Variants in LYRM9 observed in about 807,000 individuals in gnomAD.
LYRM9 encodes LYR motif-containing protein 9.
A neutral mutation model predicts 12.6 loss-of-function variants in LYRM9; 14 were observed. That is an observed-to-expected ratio of 1.11 (90% confidence interval 0.73 to 1.73). The LOEUF is 1.73. LYRM9 is among the 40% of genes most tolerant of loss of function. The probability of loss-of-function intolerance (pLI) is 0.00; values close to 1 mark genes in which losing one functional copy is unlikely to be tolerated. For synonymous variants in LYRM9, 42 were observed against 35.1 expected, an observed-to-expected ratio of 1.20 and a Z score of -0.69; for missense variants, 94 against 95.0, an observed-to-expected ratio of 0.99 and a Z score of 0.04.
At chr17:27,879,593 G>T (rs1904967993) in intron 3 of LYRM9, 103 bp from the exon 4 acceptor site, 1 of 1,312,186 alleles carries the variant, frequency 7.6e-7, no homozygotes, top group South Asian at 1.4e-5. Context: ...CCTGCCTCCT[G>T]CAGGGGCTTC....
At chr17:27,879,531 C>G (rs1249147815) in intron 3 of LYRM9, 41 bp from the exon 4 acceptor site, 7 of 1,547,924 alleles carry the variant, frequency 4.5e-6, no homozygotes, top group Admixed American at 2.0e-5. Context: ...GGGAAGCCAA[C>G]AGGGGCAGGA....
intron 2 of LYRM9, among the ~76,000 whole-genome samples, chr17:27,881,818 T>C (rs1462959859): frequency 6.6e-6 from 1 of 152,172 alleles, no homozygotes; most frequent in Non-Finnish European, 1.5e-5. Flanking sequence ...TATTCATTTT[T>C]TTTTTTTGAG....
chr17:27,883,835 T>TAAAAAAAAA lies in LYRM9; in HGVS notation c.-18-1132_-18-1124dup, dbSNP rs781375467. ...GCAGTCTGGCTCCAGAGCCTTTTTC[T>TAAAAAAAAA]AAAAAAAAAAAAAAAAAAAAAAAAA... On this transcript the variant is annotated intron_variant, in intron 1 of 3. Coordinates refer to ENST00000379102, the MANE Select transcript of LYRM9 (RefSeq NM_001076680.3). Among the ~76,000 whole-genome samples the TAAAAAAAAA allele has an allele frequency of 1.8e-3, 43 of 24,570 alleles. 13 individuals carry two copies. The highest frequency in any genetic ancestry group is 4.7e-3 in the African/African-American group (38 of 8,060). The allele number at this position is 24,570 out of a possible 152,430, so 16.1% of individuals were successfully genotyped here.
intron 3 of LYRM9, chr17:27,880,045 T>A: frequency 1.5e-6 from 1 of 689,030 alleles, no homozygotes; most frequent in Non-Finnish European, 2.6e-6. Context: ...GGCAGAAATT[T>A]GCCTTTAAGG....
rs1905075474 is a variant in LYRM9 at position 27,881,935 on chromosome 17, T to G, written c.126+634A>C. On this transcript the variant is annotated intron_variant, in intron 2 of 3. Coordinates refer to ENST00000379102, the MANE Select transcript of LYRM9 (RefSeq NM_001076680.3). ...AATCCTCCCACCTCATTGTTTGATTTTTCTGTAGAGACAAGGTCTTTCTAT... is the reference window on the plus strand; with the variant it reads ...AATCCTCCCACCTCATTGTTTGATTGTTCTGTAGAGACAAGGTCTTTCTAT... Among the ~76,000 whole-genome samples, 3 of 152,246 alleles carry G rather than the reference T, an allele frequency of 2.0e-5. No individual in the cohort carries two copies. In the South Asian group the frequency reaches 6.2e-4, roughly 32 times the overall value.
chr17:27,881,813 A>ATT (rs10711592), intron 2 of LYRM9, among the ~76,000 whole-genome samples: 1 of 149,442 alleles, frequency 6.7e-6, no homozygotes, highest in Non-Finnish European at 1.5e-5. Flanking sequence ...AGTAATATTC[A>ATT]TTTTTTTTTT....
chr17:27,879,242 T>C lies in LYRM9; in HGVS notation c.*231A>G. 2.3e-6 allele frequency: 1 copy of C among 435,796 alleles called. No individual in the cohort carries two copies. The highest frequency in any genetic ancestry group is 4.8e-5 in the South Asian group (1 of 20,832). 27.0% of individuals were successfully genotyped at this position (435,796 alleles called of 1,614,324 possible). A position where few individuals can be genotyped will look rare whatever the true frequency, so the allele number is the denominator to read the frequency against. On this transcript the variant is annotated 3_prime_UTR_variant, in exon 4 of 4. Transcript: ENST00000379102. ...AAAACACACAAAAGAAGCAAAAAAA[T>C]ACTACATTCTCCCCAAATTTCACAT...
chr17:27,887,713 GGTGTGTGTGT>G (rs59760752), intron 1 of LYRM9, among the ~76,000 whole-genome samples: 5,826 of 86,742 alleles, frequency 0.067, 367 homozygotes, highest in African/African-American at 0.15. Context: ...TAGGAGGGAG[GGTGTGTGTGT>G]GTGTGTGTGT....
Position 27,893,358 on chromosome 17 carries a change from A to G in LYRM9, c.-60T>C, listed in dbSNP as rs1179460083. On this transcript the variant is annotated 5_prime_UTR_variant, in exon 1 of 4. Coordinates refer to ENST00000379102, the MANE Select transcript of LYRM9 (RefSeq NM_001076680.3). ...GCCAGCCCCGGACGCCGCCGCGGCGACGAGTGCGCCTGCGCCCCGGGGACT... is the reference window on the plus strand; with the variant it reads ...GCCAGCCCCGGACGCCGCCGCGGCGGCGAGTGCGCCTGCGCCCCGGGGACT... 1 of 151,946 alleles carries G rather than the reference A, an allele frequency of 6.6e-6. No homozygotes were observed. The highest frequency in any genetic ancestry group is 3.2e-3 in the Middle Eastern group (1 of 314). 9.4% of individuals were successfully genotyped at this position (151,946 alleles called of 1,614,324 possible). A position where few individuals can be genotyped will look rare whatever the true frequency, so the allele number is the denominator to read the frequency against.
intron 1 of LYRM9, among the ~76,000 whole-genome samples, chr17:27,888,892 C>T (rs1021738903): frequency 5.5e-4 from 84 of 152,090 alleles, no homozygotes; most frequent in Non-Finnish European, 1.0e-3. Context: ...TAAAATTCCC[C>T]GCTGTAAAGT....
chr17:27,886,705 A>G lies in LYRM9; in HGVS notation c.-18-3993T>C, dbSNP rs1905245609. Among the ~76,000 whole-genome samples, 1 of 149,496 alleles carries G rather than the reference A, an allele frequency of 6.7e-6. No individual in the cohort carries two copies. Among genetic ancestry groups the G allele is most frequent in the Non-Finnish European group, 1.5e-5 (1 of 67,610 alleles). Reference sequence around the variant, plus strand: ...GCTCTTGTTGCCCAGGCTGGAGTGCAATGGCGCAATCTCGACCGCAACCTC... The same window carrying G: ...GCTCTTGTTGCCCAGGCTGGAGTGCGATGGCGCAATCTCGACCGCAACCTC... On this transcript the variant is annotated intron_variant, in intron 1 of 3. Coordinates refer to ENST00000379102, the MANE Select transcript of LYRM9 (RefSeq NM_001076680.3). This position sits in a 1 kb window ranked among gnomAD's most constrained non-coding sequence, Gnocchi z 4.8.
chr17:27,880,359 C>A lies in LYRM9; in HGVS notation c.134G>T (p.Arg45Leu). Residue 45 changes from arginine (R) to leucine (L), a missense_variant, in exon 3 of 4, where the codon CGG (arginine) becomes CTG (leucine). Physicochemically the swap from Arg to Leu is moderately radical, Grantham distance 102. Coordinates refer to ENST00000379102, the MANE Select transcript of LYRM9 (RefSeq NM_001076680.3). ...AGGGTTGTCTTCATCTGAATGAACC[C>A]GAAAACTCTGCAAGTTTAAGCATAA... is the stretch of plus-strand genomic sequence containing the variant. The part of the protein sequence containing the change: ...HYKHAVRQSF[R>L]VHSDEDNPER... 1 of 1,602,858 alleles carries A rather than the reference C, an allele frequency of 6.2e-7. No individual in the cohort carries two copies. The highest frequency in any genetic ancestry group is 1.1e-5 in the South Asian group (1 of 88,926).
At chr17:27,890,697 G>T (rs961252733) in intron 1 of LYRM9, among the ~76,000 whole-genome samples, 4 of 152,162 alleles carry the variant, frequency 2.6e-5, no homozygotes, top group African/African-American at 9.7e-5. Context: ...ATTAAAAAAA[G>T]ACGAAAGAAT....
At chr17:27,892,671 C>A in intron 1 of LYRM9, 1 of 305,606 alleles carries the variant, frequency 3.3e-6, no homozygotes, top group South Asian at 2.8e-5. Flanking sequence ...GGGGGAGTGA[C>A]AGCTAAAGGA....
chr17:27,885,983 G>A (rs1905220086), intron 1 of LYRM9, among the ~76,000 whole-genome samples: 1 of 152,122 alleles, frequency 6.6e-6, no homozygotes, highest in Non-Finnish European at 1.5e-5. Flanking sequence ...GACCATGCCA[G>A]TCCGACTCAC....
intron 1 of LYRM9, among the ~76,000 whole-genome samples, chr17:27,884,768 T>C (rs1185519322): frequency 6.6e-6 from 1 of 151,980 alleles, no homozygotes; most frequent in Non-Finnish European, 1.5e-5. Flanking sequence ...GCCCCTTATG[T>C]TCCAGATGAA....
intron 2 of LYRM9, 113 bp downstream of exon 2, chr17:27,882,456 C>G (rs1370205301): frequency 1.2e-5 from 16 of 1,362,222 alleles, no homozygotes; most frequent in Non-Finnish European, 1.5e-5. Context: ...TCCCACACTG[C>G]CACCTCACCA....
rs1262181366 is a variant in LYRM9 at position 27,879,436 on chromosome 17, A to T, written c.*37T>A. The T allele has an allele frequency of 6.5e-7, 1 of 1,546,798 alleles. No homozygotes were observed. Among genetic ancestry groups the T allele is most frequent in the Admixed American group, 2.0e-5 (1 of 50,336 alleles). On this transcript the variant is annotated 3_prime_UTR_variant, in exon 4 of 4. Transcript: ENST00000379102. ...CTGAGCTCCAGAAGAGGGGCCTCTC[A>T]ACTTCCAGAGGCCAGGAAGGCTCAC...
chr17:27,888,866 C>A (rs1905324571), intron 1 of LYRM9, among the ~76,000 whole-genome samples: 1 of 152,138 alleles, frequency 6.6e-6, no homozygotes, highest in African/African-American at 2.4e-5. Context: ...ATTGGAAAGT[C>A]CCTCCAGTTC....
Sources: gnomAD v4.1 joint callset for allele counts (sites outside exome capture counted in the v4.1 genomes callset) on GRCh38, gnomAD v4.1.1 for gene constraint, Gnocchi (gnomAD v3.1) non-coding constraint, MANE v1.5 for transcripts, NCBI Gene and HGNC (gene_info 2026-07-23, HGNC 2026-07-21) for gene names.